The following EPB41L2 variants were observed in gnomAD, a reference collection of about 807,000 sequenced individuals.
EPB41L2 encodes band 4.1-like protein 2.
In EPB41L2, 43 loss-of-function variants were observed where a neutral mutation model predicts 113.0. The observed-to-expected ratio is 0.38, with a 90% CI of 0.30 to 0.49. The LOEUF (loss-of-function observed/expected upper bound fraction) is 0.49. Among genes scored for constraint, EPB41L2 ranks in the 20% least tolerant of loss-of-function variants. The pLI, the probability that EPB41L2 is intolerant of heterozygous loss-of-function variation, is 0.95. For synonymous variants in EPB41L2, 442 were observed against 436.7 expected, an observed-to-expected ratio of 1.01 and a Z score of -0.15; for missense variants, 1,147 against 1,223.4, an observed-to-expected ratio of 0.94 and a Z score of 0.93.
intron 1 of EPB41L2, among the ~76,000 whole-genome samples, chr6:131,029,777 A>G (rs1187409440): frequency 6.6e-6 from 1 of 152,238 alleles, no homozygotes; most frequent in African/African-American, 2.4e-5. Context: ...CAAACAGTTG[A>G]AAGTTGATCT....
chr6:130,935,285 A>AAGGT (rs1348216867), intron 3 of EPB41L2, among the ~76,000 whole-genome samples: 1 of 152,210 alleles, frequency 6.6e-6, no homozygotes, highest in Non-Finnish European at 1.5e-5. Context: ...CTTTAATAAA[A>AAGGT]TCACATAGAT....
rs530735806 is a variant in EPB41L2, at chr6:131,008,656, C to T, written c.-14-52157G>A. Among the ~76,000 whole-genome samples, 4 of 152,342 alleles carry T rather than the reference C, an allele frequency of 2.6e-5. No individual in the cohort carries two copies. In the South Asian group the frequency reaches 8.3e-4, roughly 32 times the overall value. On this transcript the variant is annotated intron_variant, in intron 1 of 19. Transcript: ENST00000337057. ...GAAAGCAGCCGGGAGTGGGGCTGTA[C>T]CCTGCAAAGCCACAGGGGTGGAACT... is the stretch of plus-strand genomic sequence containing the variant.
At chr6:130,975,557 A>G (rs193039144) in intron 1 of EPB41L2, among the ~76,000 whole-genome samples, 4 of 152,348 alleles carry the variant, frequency 2.6e-5, no homozygotes, top group Admixed American at 2.0e-4. Context: ...ACAGTTATCA[A>G]TATCACAGAA....
At chr6:130,987,868 T>C (rs965840334) in intron 1 of EPB41L2, among the ~76,000 whole-genome samples, 19 of 151,808 alleles carry the variant, frequency 1.3e-4, no homozygotes, top group African/African-American at 4.6e-4. Flanking sequence ...ATCCCAATAC[T>C]TTGGGAGCCC....
chr6:131,016,627 T>C (rs997105508), intron 1 of EPB41L2, among the ~76,000 whole-genome samples: 1 of 152,104 alleles, frequency 6.6e-6, no homozygotes, highest in African/African-American at 2.4e-5. Context: ...TCAGAAAATC[T>C]GTGTTTTTCA....
intron 4 of EPB41L2, among the ~76,000 whole-genome samples, chr6:130,918,011 C>T (rs1443086660): frequency 6.6e-6 from 1 of 152,104 alleles, no homozygotes; most frequent in Non-Finnish European, 1.5e-5. Flanking sequence ...GAAACAGATC[C>T]CCTTTAATAT....
intron 1 of EPB41L2, among the ~76,000 whole-genome samples, chr6:131,016,100 C>T (rs913330689): frequency 1.3e-5 from 2 of 152,062 alleles, no homozygotes; most frequent in African/African-American, 4.8e-5. Flanking sequence ...CTGAACAATT[C>T]CCAGTAGCTT....
At chr6:130,949,963 T>C (rs955928854) in intron 3 of EPB41L2, among the ~76,000 whole-genome samples, 3 of 152,154 alleles carry the variant, frequency 2.0e-5, no homozygotes, top group African/African-American at 4.8e-5. Context: ...ACACACAAAA[T>C]TGTGTTGACT....
intron 3 of EPB41L2, among the ~76,000 whole-genome samples, chr6:130,930,562 C>T (rs1298133751): frequency 1.3e-5 from 2 of 152,126 alleles, no homozygotes; most frequent in African/African-American, 2.4e-5. Flanking sequence ...CTGACTCTAA[C>T]GCAGATGTAG....
At position 130,870,093 on chromosome 6, in the gene EPB41L2, TCTC is replaced by T. The variant is rs1201045489; in HGVS notation, c.2074_2076del (p.Glu692del). 3 of 1,613,322 alleles carry T rather than the reference TCTC, an allele frequency of 1.9e-6. No homozygotes were observed. Among genetic ancestry groups the T allele is most frequent in the Non-Finnish European group, 2.5e-6 (3 of 1,179,684 alleles). On this transcript the variant is annotated inframe_deletion, in exon 15 of 20. Coordinates refer to ENST00000337057, the MANE Select transcript of EPB41L2 (RefSeq NM_001431.4). Reference sequence around the variant, plus strand: ...TCTTTCCCAACCTCTGCCCGCTTCTTCTCCTCCACTATATTCAGAGTCTCATGT... The same window carrying T: ...TCTTTCCCAACCTCTGCCCGCTTCTTCTCCACTATATTCAGAGTCTCATGT...
chr6:130,849,143 T>A (rs1778005972), intron 19 of EPB41L2, among the ~76,000 whole-genome samples: 1 of 152,176 alleles, frequency 6.6e-6, no homozygotes, highest in African/African-American at 2.4e-5. Flanking sequence ...AGTAGCACTG[T>A]GGTGACCTAG....
intron 18 of EPB41L2, among the ~76,000 whole-genome samples, chr6:130,859,385 G>T (rs375853002): frequency 6.6e-6 from 1 of 152,038 alleles, no homozygotes; most frequent in Non-Finnish European, 1.5e-5. Flanking sequence ...GCTGGCGCAC[G>T]CCTGTAATCC....
At position 130,938,238 on chromosome 6, in the gene EPB41L2, G is replaced by C. The variant is rs140520788; in HGVS notation, c.706-11529C>G. ...ACAAGCAACTTCTAGGCAATCTAGG[G>C]AAAAATCCACTTCATTTTGAGATAT... On this transcript the variant is annotated intron_variant, in intron 3 of 19. Coordinates refer to ENST00000337057, the MANE Select transcript of EPB41L2 (RefSeq NM_001431.4). 4.3e-3 allele frequency among the ~76,000 whole-genome samples: 651 copies of C among 152,284 alleles called. 3 individuals are homozygous for C. The highest frequency in any genetic ancestry group is 0.015 in the African/African-American group (634 of 41,562).
intron 3 of EPB41L2, among the ~76,000 whole-genome samples, chr6:130,953,600 G>A (rs557661104): frequency 1.3e-5 from 2 of 152,002 alleles, no homozygotes; most frequent in South Asian, 2.1e-4. Flanking sequence ...ACACCAACAC[G>A]GCGCATGTAT....
intron 1 of EPB41L2, among the ~76,000 whole-genome samples, chr6:131,006,783 T>C (rs1015450723): frequency 6.6e-6 from 1 of 152,106 alleles, no homozygotes; most frequent in African/African-American, 2.4e-5. Context: ...CCTAGACCTA[T>C]TACTCTACAA....
chr6:130,860,418 C>CT (rs1056976926), intron 18 of EPB41L2, among the ~76,000 whole-genome samples: 3 of 152,206 alleles, frequency 2.0e-5, no homozygotes, highest in African/African-American at 7.2e-5. Context: ...GTTAAAACTC[C>CT]TTTCATTCCA....
At chr6:130,856,567 G>T (rs73631102) in intron 19 of EPB41L2, among the ~76,000 whole-genome samples, 49 of 152,344 alleles carry the variant, frequency 3.2e-4, no homozygotes, top group African/African-American at 1.2e-3. Context: ...AAGTCAGAGA[G>T]GCAGCTGTAA....
intron 1 of EPB41L2, among the ~76,000 whole-genome samples, chr6:131,024,552 C>T (rs1790400372): frequency 6.6e-6 from 1 of 152,220 alleles, no homozygotes; most frequent in African/African-American, 2.4e-5. Flanking sequence ...TTCACCAGCA[C>T]ACAGTAATTT....
chr6:130,852,413 C>T (rs1351716155), intron 19 of EPB41L2, among the ~76,000 whole-genome samples: 2 of 152,104 alleles, frequency 1.3e-5, no homozygotes, highest in African/African-American at 2.4e-5. Flanking sequence ...TTGGTCTCTC[C>T]GGCAGTACCG....
Sources: allele counts gnomAD v4.1 joint callset (sites outside exome capture counted in the v4.1 genomes callset), GRCh38; gene constraint gnomAD v4.1.1; transcripts MANE v1.5; gene names NCBI Gene and HGNC (gene_info 2026-07-23, HGNC 2026-07-21).